ELF1: variants seen among roughly 807,000 people sequenced by gnomAD.
ELF1 encodes the protein E74 like ETS transcription factor 1.
ELF1 carries 24 observed loss-of-function variants against 59.9 expected under a neutral mutation model. The ratio of observed to expected loss-of-function variants is 0.40; its 90% CI spans 0.29 to 0.56. The LOEUF (loss-of-function observed/expected upper bound fraction) is 0.56, where lower values mean the gene tolerates loss of function less well. Ranked by LOEUF, ELF1 falls within the 20% of genes least tolerant of loss-of-function variation. ELF1 has a pLI of 0.44. For missense variants in ELF1, 627 were observed against 742.2 expected, an observed-to-expected ratio of 0.84 and a Z score of 1.80; for synonymous variants, 248 against 266.2, an observed-to-expected ratio of 0.93 and a Z score of 0.67.
At chr13:40,987,639 A>C (rs900173863) in intron 1 of ELF1, among the ~76,000 whole-genome samples, 6 of 152,054 alleles carry the variant, frequency 3.9e-5, no homozygotes, top group African/African-American at 1.4e-4. Flanking sequence ...AATCAAACAA[A>C]AAGGTTTTAG....
chr13:40,990,874 T>A (rs1458579250), intron 1 of ELF1, among the ~76,000 whole-genome samples: 2 of 147,620 alleles, frequency 1.4e-5, no homozygotes, highest in African/African-American at 5.0e-5. Context: ...AAAAAATGTG[T>A]TACTTTACAG....
At chr13:41,021,031 A>G (rs1875669350), upstream of ELF1, among the ~76,000 whole-genome samples, 1 of 152,230 alleles carries the variant, frequency 6.6e-6, no homozygotes, top group South Asian at 2.1e-4. Flanking sequence ...ATATGAAGCC[A>G]TTATATAAGG....
At chr13:40,965,529 A>G (rs901395043) in intron 2 of ELF1, among the ~76,000 whole-genome samples, 1 of 152,078 alleles carries the variant, frequency 6.6e-6, no homozygotes, top group African/African-American at 2.4e-5. Context: ...AGCCTGAGGC[A>G]TGAGAAGCTT....
At chr13:40,976,531 C>G (rs902998400) in intron 2 of ELF1, among the ~76,000 whole-genome samples, 6 of 152,064 alleles carry the variant, frequency 3.9e-5, no homozygotes, top group Admixed American at 1.3e-4. Context: ...CAGCAAGGCA[C>G]TGTTATTCTT....
At chr13:41,050,922 G>T (rs1877062941) in intron 1 of ELF1, among the ~76,000 whole-genome samples, 1 of 152,074 alleles carries the variant, frequency 6.6e-6, no homozygotes, top group African/African-American at 2.4e-5. Flanking sequence ...CACCAACACA[G>T]GAATTCTTGT....
At chr13:41,028,408 T>C (rs182279455) in intron 1 of ELF1, among the ~76,000 whole-genome samples, 3 of 152,310 alleles carry the variant, frequency 2.0e-5, no homozygotes, top group Admixed American at 2.0e-4. Flanking sequence ...GGTCTACTAA[T>C]AGCCCAGACC....
chr13:41,056,542 A>G (rs550195017), intron 1 of ELF1, among the ~76,000 whole-genome samples: 35 of 152,340 alleles, frequency 2.3e-4, no homozygotes, highest in African/African-American at 7.9e-4. Flanking sequence ...ATTTTGAGGA[A>G]CTGCCAAACT....
chr13:40,938,314 A>C (rs1409602437), intron 8 of ELF1, among the ~76,000 whole-genome samples: 1 of 152,172 alleles, frequency 6.6e-6, no homozygotes, highest in Non-Finnish European at 1.5e-5. Context: ...AATTTGTAAA[A>C]ACTGAGCATA....
intron 1 of ELF1, among the ~76,000 whole-genome samples, chr13:41,049,016 G>T (rs959377233): frequency 1.3e-5 from 2 of 152,156 alleles, no homozygotes; most frequent in East Asian, 1.9e-4. Context: ...TGTTGTGTTA[G>T]ACCTATCACT....
intron 1 of ELF1, among the ~76,000 whole-genome samples, chr13:40,991,884 G>A (rs1160306040): frequency 6.6e-6 from 1 of 152,062 alleles, no homozygotes; most frequent in Admixed American, 6.6e-5. Flanking sequence ...TTGAGGTGAT[G>A]GTGAACTGCA....
At chr13:40,951,711 C>T in intron 3 of ELF1, 1 of 208,690 alleles carries the variant, frequency 4.8e-6, no homozygotes, top group Non-Finnish European at 9.4e-6. Context: ...ACTAAAAATA[C>T]AAAAAATTAG....
intron 1 of ELF1, among the ~76,000 whole-genome samples, chr13:41,024,770 A>G (rs1384971091): frequency 6.6e-6 from 1 of 152,158 alleles, no homozygotes; most frequent in Non-Finnish European, 1.5e-5. Context: ...CCTACTATTC[A>G]ATAATCTCTA....
chr13:41,041,299 T>C (rs1373391893), intron 1 of ELF1, among the ~76,000 whole-genome samples: 1 of 150,494 alleles, frequency 6.6e-6, no homozygotes, highest in Non-Finnish European at 1.5e-5. Flanking sequence ...CCATCCGAAC[T>C]GTATAAGCAG....
chr13:41,016,933 A>T (rs1247120099), intron 1 of ELF1, among the ~76,000 whole-genome samples: 2 of 92,988 alleles, frequency 2.2e-5, no homozygotes, highest in Admixed American at 1.2e-4. Flanking sequence ...AAAAAAAAAA[A>T]AAAAAAAAAA....
chr13:41,046,879 T>C (rs1209505511), intron 1 of ELF1, among the ~76,000 whole-genome samples: 1 of 152,204 alleles, frequency 6.6e-6, no homozygotes, highest in Non-Finnish European at 1.5e-5. Flanking sequence ...CTGAAGAGTG[T>C]TTTCCAACTT....
chr13:40,956,571 C>CAAAAAAAA (rs34245662), intron 3 of ELF1, among the ~76,000 whole-genome samples: 37 of 76,118 alleles, frequency 4.9e-4, no homozygotes, highest in African/African-American at 6.5e-4. Flanking sequence ...CAAGAATGAT[C>CAAAAAAAA]AAAAAAAAAA....
At chr13:41,041,500 T>C (rs1032729160) in intron 1 of ELF1, among the ~76,000 whole-genome samples, 2 of 151,940 alleles carry the variant, frequency 1.3e-5, no homozygotes, top group Admixed American at 6.6e-5. Context: ...TGGAGAAACC[T>C]TGTCTCTACA....
intron 1 of ELF1, among the ~76,000 whole-genome samples, chr13:41,013,289 ACTT>A (rs1397895667): frequency 6.6e-6 from 1 of 152,206 alleles, no homozygotes; most frequent in Non-Finnish European, 1.5e-5. Flanking sequence ...GCTCTACAGA[ACTT>A]CTACATTTAT....
intron 1 of ELF1, among the ~76,000 whole-genome samples, chr13:40,986,312 C>A (rs893525757): frequency 1.3e-5 from 2 of 152,172 alleles, no homozygotes; most frequent in African/African-American, 4.8e-5. Flanking sequence ...AAGTCTCTTC[C>A]TTCTGTAAAA....
Sources: gnomAD v4.1 joint callset for allele counts (sites outside exome capture counted in the v4.1 genomes callset) on GRCh38, gnomAD v4.1.1 for gene constraint, MANE v1.5 for transcripts, NCBI Gene and HGNC (gene_info 2026-07-23, HGNC 2026-07-21) for gene names.